GLIS3: variants seen among roughly 807,000 people sequenced by gnomAD.
GLIS3 encodes the protein GLIS family zinc finger 3.
Under a neutral mutation model 78.6 loss-of-function variants are expected in GLIS3, and 53 were observed. The ratio of observed to expected loss-of-function variants is 0.67; its 90% CI spans 0.54 to 0.85. GLIS3 has a LOEUF of 0.85. Among genes scored for constraint, GLIS3 ranks in the 40% least tolerant of loss-of-function variants. GLIS3 has a pLI of 0.00. For missense variants in GLIS3, 1,703 were observed against 1,231.1 expected, an observed-to-expected ratio of 1.38 and a Z score of -5.74; for synonymous variants, 684 against 509.9, an observed-to-expected ratio of 1.34 and a Z score of -4.60.
the GLIS3 span, among the ~76,000 whole-genome samples, chr9:4,391,224 G>C: frequency 1.3e-5 from 2 of 152,308 alleles, no homozygotes; most frequent in South Asian, 2.1e-4. Flanking sequence ...TCTGGTGGAA[G>C]GGACAGTGGG....
chr9:3,886,728 A>G (rs1588152843), intron 7 of GLIS3, among the ~76,000 whole-genome samples: 1 of 152,128 alleles, frequency 6.6e-6, no homozygotes, highest in South Asian at 2.1e-4. Context: ...GAGCAATTTA[A>G]TTGTGTTGTC....
chr9:3,912,550 T>C (rs191895845), intron 6 of GLIS3, among the ~76,000 whole-genome samples: 4 of 152,218 alleles, frequency 2.6e-5, no homozygotes, highest in Admixed American at 2.6e-4. Context: ...TTCAAAAGGA[T>C]GTTGAAATCA....
At chr9:4,236,300 C>T (rs1055618570) in intron 2 of GLIS3, among the ~76,000 whole-genome samples, 1 of 151,950 alleles carries the variant, frequency 6.6e-6, no homozygotes, top group Admixed American at 6.6e-5. Context: ...ATCTCATGCC[C>T]TAAACATGTT....
chr9:4,347,442 A>C (rs939335244), intron 1 of GLIS3, among the ~76,000 whole-genome samples: 2 of 152,132 alleles, frequency 1.3e-5, no homozygotes, highest in African/African-American at 4.8e-5. Flanking sequence ...AAAATCTTTA[A>C]AGTATCTGGA....
chr9:4,402,878 G>C, the GLIS3 span, among the ~76,000 whole-genome samples: 1 of 152,180 alleles, frequency 6.6e-6, no homozygotes, highest in Admixed American at 6.5e-5. Context: ...GATGGAGCTA[G>C]AAATAGGGGT....
At chr9:3,969,099 G>A (rs1818180319) in intron 4 of GLIS3, among the ~76,000 whole-genome samples, 1 of 152,144 alleles carries the variant, frequency 6.6e-6, no homozygotes, top group East Asian at 1.9e-4. Context: ...TCACCTCTAG[G>A]TTCATTTTTC....
chr9:4,345,684 T>C (rs1042616089), intron 2 of GLIS3, among the ~76,000 whole-genome samples: 1 of 152,190 alleles, frequency 6.6e-6, no homozygotes, highest in Non-Finnish European at 1.5e-5. Context: ...TCCAAACTCA[T>C]TTTCCAGAGT....
At chr9:4,038,391 T>A (rs552728016) in intron 4 of GLIS3, among the ~76,000 whole-genome samples, 7 of 152,134 alleles carry the variant, frequency 4.6e-5, no homozygotes, top group Non-Finnish European at 1.0e-4. Flanking sequence ...GTTAAAGAAA[T>A]TGGAAAAATT....
chr9:3,873,358 A>C (rs1821086365), intron 8 of GLIS3, among the ~76,000 whole-genome samples: 1 of 152,184 alleles, frequency 6.6e-6, no homozygotes, highest in Non-Finnish European at 1.5e-5. Context: ...AATACCAGCA[A>C]ACCAAACCCA....
At chr9:4,060,569 A>G (rs757768216) in intron 4 of GLIS3, among the ~76,000 whole-genome samples, 15 of 152,146 alleles carry the variant, frequency 9.9e-5, no homozygotes, top group Non-Finnish European at 1.8e-4. Context: ...TTATGAGAGT[A>G]TAACTTGTGG....
At chr9:3,987,146 C>G (rs946413806) in intron 4 of GLIS3, among the ~76,000 whole-genome samples, 1 of 151,762 alleles carries the variant, frequency 6.6e-6, no homozygotes, top group African/African-American at 2.4e-5. Context: ...AAATGAAAAG[C>G]GTAAATTATA....
At chr9:4,415,683 T>G in the GLIS3 span, among the ~76,000 whole-genome samples, 11 of 152,242 alleles carry the variant, frequency 7.2e-5, no homozygotes, top group Admixed American at 5.2e-4. Flanking sequence ...ATTGACCTTT[T>G]TGATGTCAAA....
intron 9 of GLIS3, chr9:3,855,480 G>T (rs897347970): frequency 7.3e-5 from 13 of 177,484 alleles, no homozygotes; most frequent in African/African-American, 2.9e-4. Context: ...AAAACACAAG[G>T]TAGAGGAAGC....
intron 6 of GLIS3, among the ~76,000 whole-genome samples, chr9:3,917,940 T>C (rs1824629919): frequency 6.6e-6 from 1 of 152,196 alleles, no homozygotes; most frequent in Non-Finnish European, 1.5e-5. Context: ...AGAATGATTG[T>C]ATTGGCGGCA....
intron 4 of GLIS3, among the ~76,000 whole-genome samples, chr9:4,115,126 T>C (rs796359384): frequency 9.8e-5 from 15 of 152,346 alleles, no homozygotes; most frequent in African/African-American, 3.6e-4. Flanking sequence ...CAGAAGCTCT[T>C]TGTGTTGCTT....
At chr9:4,329,885 A>T (rs4523308) in intron 2 of GLIS3, among the ~76,000 whole-genome samples, 144,743 of 152,198 alleles carry the variant, frequency 0.95, 69,271 homozygotes, top group South Asian at 1. Context: ...CTTGGAAAGC[A>T]TCTAGTCTAG....
At chr9:4,459,263 A>G in the GLIS3 span, among the ~76,000 whole-genome samples, 1 of 152,184 alleles carries the variant, frequency 6.6e-6, no homozygotes, top group Non-Finnish European at 1.5e-5. Context: ...ATGCTGAAGT[A>G]CTGGATGTGG....
the GLIS3 span, among the ~76,000 whole-genome samples, chr9:4,384,900 G>A: frequency 1.3e-5 from 2 of 152,042 alleles, no homozygotes; most frequent in South Asian, 2.1e-4. Context: ...GCCAGACACT[G>A]TTGCACAACA....
chr9:4,300,560 G>A (rs1563923218), upstream of GLIS3, among the ~76,000 whole-genome samples: 1 of 152,118 alleles, frequency 6.6e-6, no homozygotes, highest in South Asian at 2.1e-4. Context: ...CCAAGTATAG[G>A]CAGGGAAGAG....
Sources: allele counts gnomAD v4.1 joint callset (sites outside exome capture counted in the v4.1 genomes callset), GRCh38; gene constraint gnomAD v4.1.1; transcripts MANE v1.5; gene names NCBI Gene and HGNC (gene_info 2026-07-23, HGNC 2026-07-21).